Variants in ARFGAP2 observed in about 807,000 individuals in gnomAD.
ARFGAP2 encodes the protein ADP-ribosylation factor GTPase-activating protein 2.
ARFGAP2 carries 45 observed loss-of-function variants against 71.9 expected under a neutral mutation model. The observed-to-expected ratio is 0.63, with a 90% CI of 0.49 to 0.80. The LOEUF is 0.80. ARFGAP2 is among the 30% of genes least tolerant of loss of function. The pLI, the probability that ARFGAP2 is intolerant of heterozygous loss-of-function variation, is 0.00. For missense variants in ARFGAP2, 633 were observed against 673.9 expected, an observed-to-expected ratio of 0.94 and a Z score of 0.67; for synonymous variants, 248 against 249.2, an observed-to-expected ratio of 1.00 and a Z score of 0.05.
chr11:47,175,649 C>T, intron 3 of ARFGAP2: 1 of 665,860 alleles, frequency 1.5e-6, no homozygotes, highest in Admixed American at 2.8e-5. Context: ...TCCCCAAGAA[C>T]ACCTGCCCAG....
chr11:47,165,179 C>A lies in ARFGAP2; in HGVS notation c.*303G>T. 2.6e-6 allele frequency: 1 copy of A among 378,850 alleles called. No individual in the cohort carries two copies. Among genetic ancestry groups the A allele is most frequent in the Non-Finnish European group, 4.7e-6 (1 of 213,138 alleles). The allele number at this position is 378,850 out of a possible 1,614,324, so 23.5% of individuals were successfully genotyped here. On this transcript the variant is annotated 3_prime_UTR_variant, in exon 16 of 16. Transcript: ENST00000524782. ...CAGAATAAGCCATCGTGGGGGAACC[C>A]CCTTTCCCAGTATGGCAGGATAAGT...
In ARFGAP2 at chr11:47,175,225, A is replaced by G; in HGVS notation, c.353T>C (p.Ile118Thr). Reference protein sequence around the residue: ...SRAAQMYREKIRQLGSAALAR... With the variant: ...SRAAQMYREKTRQLGSAALAR... ...CAGGGCCGCACTCCCCAGCTGCCGG[A>G]TCTTCTCCCGGTACATCTGGGCAGC... The change falls in exon 4 of 16, where the codon ATC becomes ACC. Residue 118 changes from isoleucine (I) to threonine (T), a missense_variant. Transcript: ENST00000524782. 6.2e-7 allele frequency: 1 copy of G among 1,614,126 alleles called. No individual in the cohort carries two copies. The highest frequency in any genetic ancestry group is 8.5e-7 in the Non-Finnish European group (1 of 1,180,030).
At position 47,166,748 on chromosome 11, in the gene ARFGAP2, AG is replaced by A; in HGVS notation, c.1332+11del. 1 of 1,611,964 alleles carries A rather than the reference AG, an allele frequency of 6.2e-7. No homozygotes were observed. Among genetic ancestry groups the A allele is most frequent in the Non-Finnish European group, 8.5e-7 (1 of 1,178,834 alleles). On this transcript the variant is annotated intron_variant, in intron 13 of 15. Transcript: ENST00000524782. ...TGCTGCCTCGGACCTCAGGGCAGAC[AG>A]CCCCACTTACCTCTGCATCCACCTC...
At chr11:47,171,268 C>T (rs997415288) in intron 10 of ARFGAP2, among the ~76,000 whole-genome samples, 158 bp downstream of exon 10, 10 of 152,206 alleles carry the variant, frequency 6.6e-5, no homozygotes, top group East Asian at 1.9e-4. Flanking sequence ...ACCTACTATG[C>T]GCCAAGCACT....
rs147819380 is a variant in ARFGAP2, at chr11:47,176,759, C to A, written c.72+23G>T. On this transcript the variant is annotated intron_variant, in intron 1 of 15. Transcript: ENST00000524782. Reference sequence around the variant, plus strand: ...TCAGGCCCCAGCGGGACGAGAGACTCCGCGCGCCCCCTGCTCACGCACCTT... The same window carrying A: ...TCAGGCCCCAGCGGGACGAGAGACTACGCGCGCCCCCTGCTCACGCACCTT... 4.6e-5 allele frequency: 74 copies of A among 1,614,004 alleles called. No individual in the cohort carries two copies. The African/African-American group carries it at 8.5e-4, about 19-fold the overall frequency.
At chr11:47,176,435 G>A in intron 2 of ARFGAP2, 81 bp downstream of exon 2, 1 of 1,359,912 alleles carries the variant, frequency 7.4e-7, no homozygotes, top group Non-Finnish European at 1.0e-6. Context: ...AGCGGCCCAA[G>A]TCGAGGCAGC....
Position 47,165,141 on chromosome 11 carries a change from G to C in ARFGAP2, c.*341C>G. The C allele has an allele frequency of 3.0e-6, 1 of 328,138 alleles. No homozygotes were observed. Among genetic ancestry groups the C allele is most frequent in the Non-Finnish European group, 5.5e-6 (1 of 180,602 alleles). 20.3% of individuals were successfully genotyped at this position (328,138 alleles called of 1,614,324 possible). On this transcript the variant is annotated 3_prime_UTR_variant, in exon 16 of 16. Coordinates refer to ENST00000524782, the MANE Select transcript of ARFGAP2 (RefSeq NM_032389.6). ...CTACCTTCCGCTTTCCCTACCTGGG[G>C]AAAGTCTGGACCCAGAATAAGCCAT...
intron 12 of ARFGAP2, 60 bp downstream of exon 12, chr11:47,167,849 C>CTA: frequency 6.7e-7 from 1 of 1,502,518 alleles, no homozygotes. Context: ...TTAGAATTCT[C>CTA]TACCTTCAGC....
chr11:47,171,238 A>G (rs1043982509), intron 10 of ARFGAP2, among the ~76,000 whole-genome samples, 188 bp downstream of exon 10: 1 of 152,244 alleles, frequency 6.6e-6, no homozygotes, highest in African/African-American at 2.4e-5. Context: ...CTATTCAGTC[A>G]TTCAACTTAC....
chr11:47,167,876 AAG>A (rs1554967576), intron 12 of ARFGAP2, 31 bp downstream of exon 12: 26 of 1,524,882 alleles, frequency 1.7e-5, no homozygotes, highest in Non-Finnish European at 1.8e-6. Context: ...AAAAAAAAAA[AAG>A]AAAGAAAAAA....
Position 47,165,290 on chromosome 11 carries a change from A to C in ARFGAP2, c.*192T>G. The C allele has an allele frequency of 1.8e-6, 1 of 546,446 alleles. No homozygotes were observed. The highest frequency in any genetic ancestry group is 4.5e-5 in the South Asian group (1 of 22,232). 33.8% of individuals were successfully genotyped at this position (546,446 alleles called of 1,614,324 possible). On this transcript the variant is annotated 3_prime_UTR_variant, in exon 16 of 16. Transcript: ENST00000524782. ...AGAGGGAATAAAGGGCTCAGTCCAC[A>C]GGCAGAGGACAAGGGCTGGTACTGA...
At chr11:47,166,469 G>T in intron 14 of ARFGAP2, 37 bp downstream of exon 14, 1 of 1,612,372 alleles carries the variant, frequency 6.2e-7, no homozygotes. Context: ...CTGCTCCCAG[G>T]CCTCACTTGG....
At position 47,168,245 on chromosome 11, in the gene ARFGAP2, G is replaced by T. The variant is rs1199871637; in HGVS notation, c.948C>A (p.Val316=). ...GCATCTCAGACAGCACGGAGTGGGA[G>T]ACAGAGCTGCGCAGCAAAGCAGAGC... The part of the protein sequence containing the change: ...LGMGLVSRSS[V]SHSVLSEMQV... Residue 316 remains valine (V), a synonymous_variant, in exon 11 of 16, where the codon GTC becomes GTA. Coordinates refer to ENST00000524782, the MANE Select transcript of ARFGAP2 (RefSeq NM_032389.6). The T allele has an allele frequency of 6.2e-7, 1 of 1,614,122 alleles. No individual in the cohort carries two copies. Among genetic ancestry groups the T allele is most frequent in the South Asian group, 1.1e-5 (1 of 91,052 alleles).
At chr11:47,172,070 T>C in intron 8 of ARFGAP2, 1 of 707,450 alleles carries the variant, frequency 1.4e-6, no homozygotes. Context: ...AAGCACTAGA[T>C]GTGCTCCATC....
chr11:47,167,252 G>A (rs747802438), intron 12 of ARFGAP2, among the ~76,000 whole-genome samples: 1 of 152,150 alleles, frequency 6.6e-6, no homozygotes, highest in African/African-American at 2.4e-5. Flanking sequence ...GGTCTGCCTG[G>A]CTTTATACCT....
At chr11:47,173,398 C>A in intron 7 of ARFGAP2, 28 bp downstream of exon 7, 1 of 1,551,846 alleles carries the variant, frequency 6.4e-7, no homozygotes, top group Admixed American at 2.0e-5. Context: ...CTCCCAGACA[C>A]CCCACGCCTG....
At position 47,175,072 on chromosome 11, in the gene ARFGAP2, G is replaced by T; in HGVS notation, c.423C>A (p.Ala141=). ...TDLWIDNMSS[A]VPNHSPEKKD... is the part of the protein sequence containing the mutation. ...TCTTCTCTGGGGAGTGATTAGGAAC[G>T]GCACTACTCATGTTGTCTATCCAAA... Residue 141 remains alanine, a synonymous_variant, in exon 5 of 16, where the codon GCC becomes GCA. Coordinates refer to ENST00000524782, the MANE Select transcript of ARFGAP2 (RefSeq NM_032389.6). The T allele has an allele frequency of 1.9e-6, 3 of 1,614,136 alleles. No homozygotes were observed. The highest frequency in any genetic ancestry group is 2.5e-6 in the Non-Finnish European group (3 of 1,180,028).
chr11:47,172,033 GGCCAAGTATGTGCCAAGCACTCC>G, intron 8 of ARFGAP2: 3 of 718,684 alleles, frequency 4.2e-6, no homozygotes. Context: ...ATGCTGACAG[GGCCAAGTATGTGCCAAGCACTCC>G]GCCAAGCACT....
chr11:47,173,799 G>T lies in ARFGAP2; in HGVS notation c.522C>A (p.Thr174=). The change falls in exon 6 of 16, where the codon ACC becomes ACA. Residue 174 remains threonine (T), a synonymous_variant. Coordinates refer to ENST00000524782, the MANE Select transcript of ARFGAP2 (RefSeq NM_032389.6). ...TCTCTGTAGACGGGGCTGGCTGCTG[G>T]GTCCCTGAAGGCTCAGTGGCTGGCG... ...WDAPATEPSG[T]QQPAPSTESS... is the part of the protein sequence containing the mutation. The T allele has an allele frequency of 6.2e-7, 1 of 1,605,950 alleles. No homozygotes were observed. The highest frequency in any genetic ancestry group is 1.1e-5 in the South Asian group (1 of 89,268).
Sources: allele counts gnomAD v4.1 joint callset (sites outside exome capture counted in the v4.1 genomes callset), GRCh38; gene constraint gnomAD v4.1.1; transcripts MANE v1.5; gene names NCBI Gene and HGNC (gene_info 2026-07-23, HGNC 2026-07-21).